RUNX1: variants seen among roughly 807,000 people sequenced by gnomAD.
RUNX1 encodes RUNX family transcription factor 1, also known as runt-related transcription factor 1.
RUNX1 carries 19 observed loss-of-function variants against 42.8 expected under a neutral mutation model. The ratio of observed to expected loss-of-function variants is 0.44; its 90% CI spans 0.31 to 0.65. The LOEUF (loss-of-function observed/expected upper bound fraction) is 0.65. Ranked by LOEUF, RUNX1 falls within the 30% of genes least tolerant of loss-of-function variation. The pLI, the probability that RUNX1 is intolerant of heterozygous loss-of-function variation, is 0.07. For missense variants in RUNX1, 528 were observed against 672.0 expected (o/e 0.79, Z 2.37); for synonymous variants, 271 against 289.4 (o/e 0.94, Z 0.64).
At chr21:34,902,239 A>G (rs2058183156) in intron 2 of RUNX1, among the ~76,000 whole-genome samples, 1 of 152,222 alleles carries the variant, frequency 6.6e-6, no homozygotes. Context: ...TTTGTGTTCA[A>G]AAATAACAGA....
chr21:35,034,049 T>C (rs1313914509), intron 2 of RUNX1, among the ~76,000 whole-genome samples: 1 of 152,204 alleles, frequency 6.6e-6, no homozygotes, highest in East Asian at 1.9e-4. Flanking sequence ...ACACCCTCTC[T>C]AGAAGGCCTT....
intron 2 of RUNX1, among the ~76,000 whole-genome samples, chr21:34,914,705 A>G (rs1199959642): frequency 1.3e-5 from 2 of 152,138 alleles, no homozygotes; most frequent in Non-Finnish European, 2.9e-5. Context: ...CATGTTTTAC[A>G]CTGGTTCAAC....
intron 2 of RUNX1, among the ~76,000 whole-genome samples, chr21:34,965,260 A>G (rs1417764664): frequency 1.3e-5 from 2 of 152,020 alleles, no homozygotes; most frequent in African/African-American, 4.8e-5. Flanking sequence ...ACACATCTAC[A>G]CACACAGATC....
At chr21:35,010,092 C>T (rs1466226619) in intron 2 of RUNX1, among the ~76,000 whole-genome samples, 4 of 152,128 alleles carry the variant, frequency 2.6e-5, no homozygotes, top group African/African-American at 7.2e-5. Context: ...GAAAGCACGA[C>T]GTCTGTGACA....
intron 2 of RUNX1, among the ~76,000 whole-genome samples, chr21:34,993,612 C>T (rs1404379215): frequency 1.0e-5 from 1 of 96,676 alleles, no homozygotes. Context: ...CACACACAGG[C>T]ACACACACAG....
chr21:34,894,432 T>C (rs1012997600), intron 2 of RUNX1, among the ~76,000 whole-genome samples: 1 of 152,076 alleles, frequency 6.6e-6, no homozygotes. Flanking sequence ...TTAAAAACTT[T>C]CTTAGTTTGT....
intron 5 of RUNX1, among the ~76,000 whole-genome samples, chr21:34,878,891 C>T (rs778404185): frequency 2.0e-5 from 3 of 152,208 alleles, no homozygotes; most frequent in Non-Finnish European, 4.4e-5. Context: ...GCACGGATCA[C>T]TAAATAGTTT....
intron 7 of RUNX1, among the ~76,000 whole-genome samples, chr21:34,825,650 T>G (rs1211128449): frequency 1.3e-5 from 2 of 152,236 alleles, no homozygotes; most frequent in Non-Finnish European, 2.9e-5. Context: ...AATGGTCTGA[T>G]GTCCCCTGTC....
chr21:34,885,122 G>A (rs2057961187), intron 4 of RUNX1, among the ~76,000 whole-genome samples: 1 of 152,074 alleles, frequency 6.6e-6, no homozygotes, highest in Non-Finnish European at 1.5e-5. Context: ...TTTGAGTGTG[G>A]GTTCCCTGGC....
chr21:34,807,865 G>A (rs1158315500), intron 7 of RUNX1, among the ~76,000 whole-genome samples: 1 of 152,234 alleles, frequency 6.6e-6, no homozygotes, highest in East Asian at 1.9e-4. Context: ...GGTGTGTGAT[G>A]TCAGGGGCCT....
At chr21:34,856,325 A>G in intron 6 of RUNX1, 1 of 518,534 alleles carries the variant, frequency 1.9e-6, no homozygotes, top group Non-Finnish European at 3.9e-6. Flanking sequence ...CACACCTGCA[A>G]TGAGGCACTA....
chr21:34,887,087 G>A lies in RUNX1; in HGVS notation c.107C>T (p.Thr36Met). ...GGAAGGCGGCGTGAAGCGGCGGCTC[G>A]TGCTGGCATCTACGGGGATACGCAT... Reference protein sequence around the residue: ...NPSRDVHDASTSRRFTPPSTA... With the variant: ...NPSRDVHDASMSRRFTPPSTA... Residue 36 changes from threonine (T) to methionine (M), a missense_variant, in exon 4 of 9, where the codon ACG becomes ATG. Coordinates refer to ENST00000675419, the MANE Select transcript of RUNX1 (RefSeq NM_001754.5). 6.3e-7 allele frequency: 1 copy of A among 1,598,282 alleles called. No homozygotes were observed. The highest frequency in any genetic ancestry group is 8.5e-7 in the Non-Finnish European group (1 of 1,179,830).
chr21:34,839,769 C>T (rs966333620), intron 6 of RUNX1, among the ~76,000 whole-genome samples: 5 of 152,112 alleles, frequency 3.3e-5, no homozygotes, highest in African/African-American at 7.2e-5. Context: ...ACAGGGAGCA[C>T]GCTGGGAATA....
chr21:34,937,713 C>T (rs534654191), intron 2 of RUNX1, among the ~76,000 whole-genome samples: 1 of 149,386 alleles, frequency 6.7e-6, no homozygotes, highest in East Asian at 2.0e-4. Context: ...AAAAAAAAAA[C>T]CAGAAAGAAA....
chr21:35,014,436 T>G (rs557329737), intron 2 of RUNX1, among the ~76,000 whole-genome samples: 1 of 152,334 alleles, frequency 6.6e-6, no homozygotes, highest in East Asian at 1.9e-4. Context: ...GGATCGATAC[T>G]TAGTCATCTC....
intron 7 of RUNX1, among the ~76,000 whole-genome samples, chr21:34,814,083 A>G (rs965400638): frequency 2.0e-5 from 3 of 152,210 alleles, no homozygotes; most frequent in Non-Finnish European, 4.4e-5. Context: ...CATTGTCCAG[A>G]TGGTTCTGGT....
rs568434108 is a variant in RUNX1, at chr21:35,035,163, G to A, written c.58+13679C>T. 2.6e-5 allele frequency among the ~76,000 whole-genome samples: 4 copies of A among 152,324 alleles called. No individual in the cohort carries two copies. In the South Asian group the frequency reaches 6.2e-4, roughly 24 times the overall value. On this transcript the variant is annotated intron_variant, in intron 2 of 8. Transcript: ENST00000675419. The stretch of plus-strand genomic sequence containing the variant: ...GAAAGGAAAAGTCCATGATGATAGC[G>A]ACCATGTATCGGGCAGCATATTCTA...
At chr21:34,827,110 G>C (rs540005396) in intron 7 of RUNX1, among the ~76,000 whole-genome samples, 3 of 152,190 alleles carry the variant, frequency 2.0e-5, no homozygotes, top group Non-Finnish European at 4.4e-5. Context: ...GCTGCAGATA[G>C]AAATGAGGAA....
At chr21:35,015,464 C>G (rs2059152766) in intron 2 of RUNX1, among the ~76,000 whole-genome samples, 1 of 152,158 alleles carries the variant, frequency 6.6e-6, no homozygotes, top group African/African-American at 2.4e-5. Flanking sequence ...ATGAAGGCTG[C>G]TTTATCACAG....
Sources: allele counts gnomAD v4.1 joint callset (sites outside exome capture counted in the v4.1 genomes callset), GRCh38; gene constraint gnomAD v4.1.1; transcripts MANE v1.5; gene names NCBI Gene and HGNC (gene_info 2026-07-23, HGNC 2026-07-21).